Variants in PARN observed in about 807,000 individuals in gnomAD.
The protein encoded by PARN is poly(A)-specific ribonuclease.
PARN carries 71 observed loss-of-function variants against 102.8 expected under a neutral mutation model. That is an observed-to-expected ratio of 0.69 (90% CI 0.57 to 0.84). PARN has a LOEUF of 0.84. PARN is among the 40% of genes least tolerant of loss of function. PARN has a pLI of 0.00. For missense variants in PARN, 782 were observed against 760.9 expected, an observed-to-expected ratio of 1.03 and a Z score of -0.33; for synonymous variants, 261 against 252.9, an observed-to-expected ratio of 1.03 and a Z score of -0.30.
chr16:14,539,739 T>C (rs1299593042), intron 21 of PARN, among the ~76,000 whole-genome samples: 2 of 152,246 alleles, frequency 1.3e-5, no homozygotes, highest in East Asian at 1.9e-4. Context: ...TGAGGTATTT[T>C]ATAAGCCACT....
intron 5 of PARN, among the ~76,000 whole-genome samples, chr16:14,619,131 A>C (rs145406460): frequency 1.4e-3 from 217 of 152,124 alleles, no homozygotes; most frequent in African/African-American, 4.7e-3. Flanking sequence ...GAAGGTGAGG[A>C]GGTTGAGGCT....
chr16:14,463,491 A>G (rs1430655663), intron 22 of PARN, among the ~76,000 whole-genome samples: 1 of 152,192 alleles, frequency 6.6e-6, no homozygotes, highest in Non-Finnish European at 1.5e-5. Context: ...CAATGAACTG[A>G]AAGTGATGTG....
At chr16:14,492,646 GC>G (rs1259167128) in intron 21 of PARN, among the ~76,000 whole-genome samples, 1 of 152,170 alleles carries the variant, frequency 6.6e-6, no homozygotes, top group African/African-American at 2.4e-5. Flanking sequence ...ATGCACACTG[GC>G]CACTGTTCCC....
chr16:14,608,066 G>T, intron 9 of PARN: 1 of 559,642 alleles, frequency 1.8e-6, no homozygotes. Flanking sequence ...GCACCAAAGT[G>T]ATAATTATTT....
intron 22 of PARN, among the ~76,000 whole-genome samples, chr16:14,457,594 T>C (rs1328384266): frequency 6.6e-6 from 1 of 151,702 alleles, no homozygotes; most frequent in Non-Finnish European, 1.5e-5. Flanking sequence ...GAGGTGGAGT[T>C]CGAGACCAGC....
chr16:14,615,161 A>AT (rs1464880299), intron 6 of PARN, among the ~76,000 whole-genome samples: 2 of 152,220 alleles, frequency 1.3e-5, no homozygotes, highest in African/African-American at 2.4e-5. Flanking sequence ...GATTTAGAGC[A>AT]TATCAACAAC....
At chr16:14,625,865 G>C (rs1437268460) in intron 5 of PARN, among the ~76,000 whole-genome samples, 1 of 152,202 alleles carries the variant, frequency 6.6e-6, no homozygotes, top group Non-Finnish European at 1.5e-5. Flanking sequence ...AAGATAGGAT[G>C]CAAGATTTTA....
chr16:14,606,972 G>T (rs186521360), intron 9 of PARN, among the ~76,000 whole-genome samples: 2 of 151,742 alleles, frequency 1.3e-5, no homozygotes, highest in Non-Finnish European at 2.9e-5. Flanking sequence ...TAGTAGAAAC[G>T]GGGTTTCACC....
At chr16:14,536,451 A>C (rs1966609247) in intron 21 of PARN, among the ~76,000 whole-genome samples, 1 of 152,212 alleles carries the variant, frequency 6.6e-6, no homozygotes, top group African/African-American at 2.4e-5. Context: ...GATTAATTTC[A>C]CTGCTTTGCG....
At chr16:14,593,624 T>C (rs527989088) in intron 12 of PARN, among the ~76,000 whole-genome samples, 1 of 151,984 alleles carries the variant, frequency 6.6e-6, no homozygotes, top group East Asian at 1.9e-4. Context: ...ATGTCACTGA[T>C]CTTTTTCTTG....
At chr16:14,526,607 C>A (rs754470100) in intron 21 of PARN, among the ~76,000 whole-genome samples, 1 of 152,184 alleles carries the variant, frequency 6.6e-6, no homozygotes, top group Non-Finnish European at 1.5e-5. Flanking sequence ...TCCCAAACCT[C>A]ATCACACAAA....
chr16:14,446,716 T>C (rs1029930085), intron 23 of PARN, among the ~76,000 whole-genome samples, 172 bp downstream of exon 23: 5 of 152,204 alleles, frequency 3.3e-5, no homozygotes, highest in Admixed American at 2.0e-4. Context: ...CAGAGCTTTT[T>C]AGGATTCCTC....
chr16:14,607,258 G>C (rs1971246528), intron 9 of PARN, among the ~76,000 whole-genome samples: 1 of 151,930 alleles, frequency 6.6e-6, no homozygotes, highest in Non-Finnish European at 1.5e-5. Context: ...ACTCAGGCTG[G>C]AGTGCCAAGC....
rs1478748014 is a variant in PARN, at chr16:14,526,051, T to TA, written c.1480+25969dup. Reference sequence around the variant, plus strand: ...CAGGCTGGTCTCAAACTCCTGACCTTAAGTGATTCGCCCACCTCAGCCTCC... The same window carrying TA: ...CAGGCTGGTCTCAAACTCCTGACCTTAAAGTGATTCGCCCACCTCAGCCTCC... On this transcript the variant is annotated intron_variant, in intron 21 of 23. Transcript: ENST00000437198. Among the ~76,000 whole-genome samples the TA allele has an allele frequency of 4.6e-5, 7 of 151,742 alleles. 1 individual carries two copies. The South Asian group carries it at 1.5e-3, about 32-fold the overall frequency.
At chr16:14,538,913 T>C (rs1445714566) in intron 21 of PARN, among the ~76,000 whole-genome samples, 2 of 152,166 alleles carry the variant, frequency 1.3e-5, no homozygotes, top group East Asian at 1.9e-4. Flanking sequence ...ATTGCACATA[T>C]GAGGAATCTA....
chr16:14,504,081 C>T (rs1198257671), intron 21 of PARN, among the ~76,000 whole-genome samples: 1 of 152,144 alleles, frequency 6.6e-6, no homozygotes, highest in Non-Finnish European at 1.5e-5. Flanking sequence ...AGGATCATAT[C>T]CTTTGACCTA....
intron 21 of PARN, among the ~76,000 whole-genome samples, chr16:14,505,690 A>G (rs1353445955): frequency 6.6e-6 from 1 of 152,206 alleles, no homozygotes; most frequent in African/African-American, 2.4e-5. Flanking sequence ...AATGTAATAA[A>G]TAATAATCAT....
At chr16:14,629,986 A>G (rs1392597259) in intron 1 of PARN, 121 bp downstream of exon 1, 1 of 909,108 alleles carries the variant, frequency 1.1e-6, no homozygotes, top group East Asian at 2.6e-5. Flanking sequence ...TTAAGGAGGG[A>G]AAAGCCCTGA....
At chr16:14,615,002 G>A (rs1971803031) in intron 6 of PARN, among the ~76,000 whole-genome samples, 1 of 152,012 alleles carries the variant, frequency 6.6e-6, no homozygotes, top group Non-Finnish European at 1.5e-5. Context: ...GAAGGCTACA[G>A]GGGGAAACTA....
Sources: gnomAD v4.1 joint callset for allele counts (sites outside exome capture counted in the v4.1 genomes callset) on GRCh38, gnomAD v4.1.1 for gene constraint, MANE v1.5 for transcripts, NCBI Gene and HGNC (gene_info 2026-07-23, HGNC 2026-07-21) for gene names.